Variants in PDLIM1 observed in about 807,000 individuals in gnomAD.
PDLIM1 encodes PDZ and LIM domain 1.
Under a neutral mutation model 35.2 loss-of-function variants are expected in PDLIM1, and 25 were observed. The ratio of observed to expected loss-of-function variants is 0.71; its 90% CI spans 0.52 to 0.99. The LOEUF (loss-of-function observed/expected upper bound fraction) is 0.99, where lower values mean the gene tolerates loss of function less well. Ranked by LOEUF, PDLIM1 falls within the 50% of genes least tolerant of loss-of-function variation. The pLI is 0.00. For synonymous variants in PDLIM1, 152 were observed against 154.0 expected (o/e 0.99, Z 0.10); for missense variants, 363 against 415.3 (o/e 0.87, Z 1.09).
Position 95,237,658 on chromosome 10 carries a change from A to C in PDLIM1, c.*267T>G. On this transcript the variant is annotated 3_prime_UTR_variant, in exon 7 of 7. Coordinates refer to ENST00000329399, the MANE Select transcript of PDLIM1 (RefSeq NM_020992.4). ...TGGGTTCAAATTTGGCTGATGTCCA[A>C]ATGCAGCAGAGAAGAACGGTGGGGC... 2.2e-6 allele frequency: 1 copy of C among 447,112 alleles called. No individual in the cohort carries two copies. The highest frequency in any genetic ancestry group is 3.7e-5 in the Admixed American group (1 of 26,950). 27.7% of individuals were successfully genotyped at this position (447,112 alleles called of 1,614,324 possible).
intron 1 of PDLIM1, among the ~76,000 whole-genome samples, chr10:95,277,682 CACA>C (rs1234564758): frequency 6.6e-6 from 1 of 151,332 alleles, no homozygotes; most frequent in Non-Finnish European, 1.5e-5. Flanking sequence ...CGGGTTTAGG[CACA>C]ACAATTTCCA....
chr10:95,265,385 C>G (rs933750227), intron 3 of PDLIM1, among the ~76,000 whole-genome samples: 1 of 150,270 alleles, frequency 6.7e-6, no homozygotes, highest in Non-Finnish European at 1.5e-5. Flanking sequence ...ACCTGAGGTC[C>G]GGAGTTCAAG....
At chr10:95,239,467 A>G (rs2035156420) in intron 5 of PDLIM1, among the ~76,000 whole-genome samples, 1 of 152,230 alleles carries the variant, frequency 6.6e-6, no homozygotes, top group South Asian at 2.1e-4. Context: ...AAGGTCTAAT[A>G]TCCAGCATCT....
At chr10:95,255,545 T>G (rs1373415134) in intron 4 of PDLIM1, among the ~76,000 whole-genome samples, 3 of 152,096 alleles carry the variant, frequency 2.0e-5, no homozygotes, top group Non-Finnish European at 2.9e-5. Context: ...ACTACAGTCA[T>G]CTGAATGCAG....
At position 95,245,779 on chromosome 10, in the gene PDLIM1, T is replaced by A. The variant is rs529905516; in HGVS notation, c.685+1436A>T. On this transcript the variant is annotated intron_variant, in intron 5 of 6. Coordinates refer to ENST00000329399, the MANE Select transcript of PDLIM1 (RefSeq NM_020992.4). ...AAACACATGGCCCATGGTTTCCTAA[T>A]TTCCTATGGTTGTAAACTGCCACTC... Among the ~76,000 whole-genome samples, 20 of 152,316 alleles carry A rather than the reference T, an allele frequency of 1.3e-4. No individual in the cohort carries two copies. The South Asian group carries it at 3.9e-3, about 30-fold the overall frequency.
Position 95,238,582 on chromosome 10 carries a change from A to T in PDLIM1, c.789T>A (p.Cys263Ter), listed in dbSNP as rs759267863. 2.5e-6 allele frequency: 4 copies of T among 1,607,110 alleles called. No homozygotes were observed. The highest frequency in any genetic ancestry group is 3.4e-6 in the Non-Finnish European group (4 of 1,173,944). The change falls in exon 6 of 7, where the codon TGT (cysteine) becomes TGA (stop). Residue 263 changes from cysteine (C) to a stop codon, truncating the protein, a stop_gained. Transcript: ENST00000329399. LOFTEE classifies it high-confidence loss of function. ...CAGATACTCACACAATCCCAGTGCCACATTTGTCACACATAGGCAACTTCT... is the reference window on the plus strand; with the variant it reads ...CAGATACTCACACAATCCCAGTGCCTCATTTGTCACACATAGGCAACTTCT... Reference protein sequence around the residue: ...NAQKLPMCDKCGTGIVGVFVK... With the variant: ...NAQKLPMCDK
intron 5 of PDLIM1, among the ~76,000 whole-genome samples, chr10:95,246,355 A>T (rs1223852911): frequency 6.6e-6 from 1 of 152,166 alleles, no homozygotes; most frequent in Non-Finnish European, 1.5e-5. Context: ...TTAAGTGAAG[A>T]TACTTTTACC....
intron 1 of PDLIM1, among the ~76,000 whole-genome samples, chr10:95,279,603 G>A (rs1041153631): frequency 5.9e-5 from 9 of 152,124 alleles, no homozygotes; most frequent in African/African-American, 1.7e-4. Flanking sequence ...CAACCAACAC[G>A]CTGAGCTCTG....
At chr10:95,255,751 T>C (rs1160856582) in intron 4 of PDLIM1, among the ~76,000 whole-genome samples, 1 of 152,130 alleles carries the variant, frequency 6.6e-6, no homozygotes, top group Non-Finnish European at 1.5e-5. Context: ...TACCACCTCT[T>C]TTCAACATAG....
At chr10:95,268,572 A>AG (rs2035434457) in intron 3 of PDLIM1, among the ~76,000 whole-genome samples, 1 of 152,208 alleles carries the variant, frequency 6.6e-6, no homozygotes, top group Admixed American at 6.5e-5. Context: ...CCCAGGACAC[A>AG]GCGTCACTGC....
At chr10:95,238,450 T>C in intron 6 of PDLIM1, 118 bp downstream of exon 6, 1 of 745,014 alleles carries the variant, frequency 1.3e-6, no homozygotes, top group Non-Finnish European at 2.4e-6. Flanking sequence ...CTGTTGCATT[T>C]TTCCAGGAGG....
intron 1 of PDLIM1, among the ~76,000 whole-genome samples, chr10:95,286,684 A>G (rs2035604847): frequency 6.6e-6 from 1 of 152,234 alleles, no homozygotes; most frequent in Admixed American, 6.5e-5. Context: ...TCCAGTCTCT[A>G]TCCTATCCTT....
At chr10:95,280,721 G>A (rs569359040) in intron 1 of PDLIM1, among the ~76,000 whole-genome samples, 3 of 152,236 alleles carry the variant, frequency 2.0e-5, no homozygotes, top group East Asian at 1.9e-4. Context: ...GGGAAAAACC[G>A]TGTCTATTCA....
chr10:95,271,293 TG>T (rs571997472), intron 2 of PDLIM1, among the ~76,000 whole-genome samples: 66 of 151,732 alleles, frequency 4.3e-4, no homozygotes, highest in Middle Eastern at 3.4e-3. Flanking sequence ...AAAAATTTGC[TG>T]GGTGTGGTGG....
At chr10:95,268,197 G>A (rs1293557100) in intron 3 of PDLIM1, among the ~76,000 whole-genome samples, 1 of 152,034 alleles carries the variant, frequency 6.6e-6, no homozygotes, top group African/African-American at 2.4e-5. Context: ...ATTCTATCTG[G>A]GTGACAAATT....
chr10:95,273,094 T>TA (rs1164047769), intron 1 of PDLIM1: 4 of 152,196 alleles, frequency 2.6e-5, no homozygotes, highest in East Asian at 3.9e-4. Flanking sequence ...TAAGGTATAC[T>TA]AAAAATATTA....
intron 4 of PDLIM1, among the ~76,000 whole-genome samples, chr10:95,256,980 A>AGAAAAGAAAAGAAAAGAAAAG (rs748756563): frequency 0.028 from 3,751 of 134,774 alleles, 324 homozygotes; most frequent in Non-Finnish European, 0.043. Context: ...ATCTTAAAAA[A>AGAAAAGAAAAGAAAAGAAAAG]AAAAAAAAAG....
chr10:95,278,023 G>C (rs1363087731), intron 1 of PDLIM1, among the ~76,000 whole-genome samples: 1 of 152,146 alleles, frequency 6.6e-6, no homozygotes, highest in Non-Finnish European at 1.5e-5. Context: ...CAAATAAAAA[G>C]ATAACCCTCC....
rs56893525 is a variant in PDLIM1, at chr10:95,265,593, CAAAAAAAAAAAAAA to C, written c.334-1544_334-1531del. 1.9e-4 allele frequency among the ~76,000 whole-genome samples: 16 copies of C among 84,000 alleles called. No individual in the cohort carries two copies. In the East Asian group the frequency reaches 0.01, roughly 54 times the overall value. The allele number at this position is 84,000 out of a possible 152,430, so 55.1% of individuals were successfully genotyped here. On this transcript the variant is annotated intron_variant, in intron 3 of 6. Transcript: ENST00000329399. Reference sequence around the variant, plus strand: ...CTGGGCAACGAGAGTGGAACTCTGTCAAAAAAAAAAAAAAAAAAAAAAAAAAAGATTTCTCTTTT... The same window carrying C: ...CTGGGCAACGAGAGTGGAACTCTGTCAAAAAAAAAAAAAGATTTCTCTTTT...
Sources: gnomAD v4.1 joint callset for allele counts (sites outside exome capture counted in the v4.1 genomes callset) on GRCh38, gnomAD v4.1.1 for gene constraint, MANE v1.5 for transcripts, NCBI Gene and HGNC (gene_info 2026-07-23, HGNC 2026-07-21) for gene names.